Variants in KCTD16 observed in about 807,000 individuals in gnomAD.
KCTD16 encodes BTB/POZ domain-containing protein KCTD16.
A neutral mutation model predicts 33.2 loss-of-function variants in KCTD16; 13 were observed. The ratio of observed to expected loss-of-function variants is 0.39; its 90% CI spans 0.25 to 0.62. KCTD16 has a LOEUF of 0.62. Ranked by LOEUF, KCTD16 falls within the 20% of genes least tolerant of loss-of-function variation. KCTD16 has a pLI of 0.50. For missense variants in KCTD16, 441 were observed against 525.1 expected (o/e 0.84, Z 1.57); for synonymous variants, 197 against 195.3 (o/e 1.01, Z -0.07).
At chr5:144,279,113 A>T (rs957307480) in intron 3 of KCTD16, among the ~76,000 whole-genome samples, 1 of 152,160 alleles carries the variant, frequency 6.6e-6, no homozygotes, top group Non-Finnish European at 1.5e-5. Context: ...TATTGAAAAA[A>T]ATGAGATTGA....
chr5:144,397,053 C>A (rs1337308490), intron 3 of KCTD16, among the ~76,000 whole-genome samples: 2 of 150,848 alleles, frequency 1.3e-5, no homozygotes, highest in Non-Finnish European at 2.9e-5. Context: ...AGGTATATCT[C>A]CTAATGCTAT....
chr5:144,429,340 G>A (rs71592905), intron 3 of KCTD16, among the ~76,000 whole-genome samples: 2,635 of 152,196 alleles, frequency 0.017, 45 homozygotes, highest in Middle Eastern at 0.041. Flanking sequence ...GTTCCCTATG[G>A]CTGCTTTTCC....
At chr5:144,196,653 A>G (rs1196441758) in intron 2 of KCTD16, among the ~76,000 whole-genome samples, 1 of 152,190 alleles carries the variant, frequency 6.6e-6, no homozygotes, top group Non-Finnish European at 1.5e-5. Context: ...ACCAGGTTGA[A>G]TCCAGGTTCT....
chr5:144,298,497 T>C (rs960781841), intron 3 of KCTD16, among the ~76,000 whole-genome samples: 1 of 152,200 alleles, frequency 6.6e-6, no homozygotes, highest in African/African-American at 2.4e-5. Context: ...CACACAGGCC[T>C]AGGTGTAGGT....
At chr5:144,276,481 A>G (rs1303993580) in intron 3 of KCTD16, among the ~76,000 whole-genome samples, 1 of 152,224 alleles carries the variant, frequency 6.6e-6, no homozygotes, top group Non-Finnish European at 1.5e-5. Context: ...ACATGGAATT[A>G]TTATGATGCT....
Position 144,484,172 on chromosome 5 carries a change from A to G in KCTD16, c.*10058A>G, listed in dbSNP as rs1163754473. ...TATTTTTGTAAATCATGGGTGGCGGATGTCAAAATCTCTCATTAATTACCC... is the reference window on the plus strand; with the variant it reads ...TATTTTTGTAAATCATGGGTGGCGGGTGTCAAAATCTCTCATTAATTACCC... On this transcript the variant is annotated 3_prime_UTR_variant, in exon 4 of 4. Coordinates refer to ENST00000512467, the MANE Select transcript of KCTD16 (RefSeq NM_020768.4). 6.6e-6 allele frequency: 1 copy of G among 151,916 alleles called. No individual in the cohort carries two copies. The highest frequency in any genetic ancestry group is 6.6e-5 in the Admixed American group (1 of 15,220). 9.4% of individuals were successfully genotyped at this position (151,916 alleles called of 1,614,324 possible). A position where few individuals can be genotyped will look rare whatever the true frequency, so the allele number is the denominator to read the frequency against.
intron 2 of KCTD16, among the ~76,000 whole-genome samples, chr5:144,200,987 C>A (rs568023526): frequency 6.6e-6 from 1 of 152,338 alleles, no homozygotes; most frequent in African/African-American, 2.4e-5. Context: ...CTTAAGCAAT[C>A]TTCCCACATC....
At chr5:144,226,579 T>C (rs1342723998) in intron 3 of KCTD16, among the ~76,000 whole-genome samples, 2 of 150,612 alleles carry the variant, frequency 1.3e-5, no homozygotes, top group African/African-American at 2.5e-5. Context: ...AAAAAATATG[T>C]CTTTTTTTTT....
chr5:144,430,831 G>A (rs564194713), intron 3 of KCTD16, among the ~76,000 whole-genome samples: 1 of 152,062 alleles, frequency 6.6e-6, no homozygotes, highest in East Asian at 1.9e-4. Flanking sequence ...ATTTTCACTG[G>A]CAACATCCCT....
intron 3 of KCTD16, among the ~76,000 whole-genome samples, chr5:144,372,084 G>C (rs1050627100): frequency 6.6e-6 from 1 of 152,112 alleles, no homozygotes; most frequent in African/African-American, 2.4e-5. Context: ...AGGGTCGGGA[G>C]GTTGCTCATT....
chr5:144,342,495 T>A (rs925480701), intron 3 of KCTD16, among the ~76,000 whole-genome samples: 1 of 152,218 alleles, frequency 6.6e-6, no homozygotes, highest in Non-Finnish European at 1.5e-5. Context: ...TGGGGTTTTC[T>A]AGATATACAA....
intron 3 of KCTD16, among the ~76,000 whole-genome samples, chr5:144,331,693 G>T (rs868538027): frequency 1.3e-5 from 2 of 152,164 alleles, no homozygotes; most frequent in African/African-American, 4.8e-5. Context: ...ATGTTATTAA[G>T]AGTCTGAGAG....
chr5:144,346,726 A>C (rs1407788110), intron 3 of KCTD16, among the ~76,000 whole-genome samples: 1 of 152,160 alleles, frequency 6.6e-6, no homozygotes. Flanking sequence ...CTATAGAGTT[A>C]TTTGAGCTCC....
chr5:144,195,157 C>G (rs1752917597), intron 2 of KCTD16, among the ~76,000 whole-genome samples: 2 of 152,178 alleles, frequency 1.3e-5, no homozygotes, highest in African/African-American at 4.8e-5. Context: ...CACCATCCCC[C>G]AATTGTTAAA....
intron 1 of KCTD16, among the ~76,000 whole-genome samples, chr5:144,172,410 T>G (rs1476590316): frequency 6.6e-6 from 1 of 152,272 alleles, no homozygotes; most frequent in Non-Finnish European, 1.5e-5. Flanking sequence ...CATTGCTTTG[T>G]GTAGAGAAAA....
At position 144,482,754 on chromosome 5, in the gene KCTD16, T is replaced by C. The variant is rs1178684702; in HGVS notation, c.*8640T>C. 1 of 151,782 alleles carries C rather than the reference T, an allele frequency of 6.6e-6. No homozygotes were observed. The highest frequency in any genetic ancestry group is 1.5e-5 in the Non-Finnish European group (1 of 67,870). The allele number at this position is 151,782 out of a possible 1,614,324, so 9.4% of individuals were successfully genotyped here. A position where few individuals can be genotyped will look rare whatever the true frequency, so the allele number is the denominator to read the frequency against. Reference sequence around the variant, plus strand: ...TTGTGTTTATGTATAAAATTATGTATATATATGTACATATGTGTGTACATC... The same window carrying C: ...TTGTGTTTATGTATAAAATTATGTACATATATGTACATATGTGTGTACATC... On this transcript the variant is annotated 3_prime_UTR_variant, in exon 4 of 4. Coordinates refer to ENST00000512467, the MANE Select transcript of KCTD16 (RefSeq NM_020768.4).
chr5:144,277,337 G>A (rs954853309), intron 3 of KCTD16, among the ~76,000 whole-genome samples: 2 of 152,108 alleles, frequency 1.3e-5, no homozygotes, highest in Non-Finnish European at 2.9e-5. Flanking sequence ...TGCTCCATTG[G>A]GCTGATCACA....
chr5:144,279,553 C>G (rs182817194), intron 3 of KCTD16, among the ~76,000 whole-genome samples: 13 of 152,338 alleles, frequency 8.5e-5, no homozygotes, highest in Admixed American at 8.5e-4. Flanking sequence ...CCTCGTAATT[C>G]TGGAGGCTGA....
rs1281209307 is a variant in KCTD16 at position 144,480,083 on chromosome 5, C to A, written c.*5969C>A. 1.3e-5 allele frequency: 2 copies of A among 151,968 alleles called. No individual in the cohort carries two copies. Among genetic ancestry groups the A allele is most frequent in the Non-Finnish European group, 2.9e-5 (2 of 67,954 alleles). The allele number at this position is 151,968 out of a possible 1,614,324, so 9.4% of individuals were successfully genotyped here. On this transcript the variant is annotated 3_prime_UTR_variant, in exon 4 of 4. Transcript: ENST00000512467. Reference sequence around the variant, plus strand: ...TCTTCCTGCTGATGTGGTCTCCATCCATCACAAATGGAAGCAGAACTGATG... The same window carrying A: ...TCTTCCTGCTGATGTGGTCTCCATCAATCACAAATGGAAGCAGAACTGATG...
Sources: gnomAD v4.1 joint callset for allele counts (sites outside exome capture counted in the v4.1 genomes callset) on GRCh38, gnomAD v4.1.1 for gene constraint, MANE v1.5 for transcripts, NCBI Gene and HGNC (gene_info 2026-07-23, HGNC 2026-07-21) for gene names.